Variants in DEPDC4 observed in about 807,000 individuals in gnomAD.
DEPDC4 encodes the protein DEP domain containing 4.
DEPDC4 carries 52 observed loss-of-function variants against 52.0 expected under a neutral mutation model. That is an observed-to-expected ratio of 1.00 (90% confidence interval 0.80 to 1.26). The LOEUF is 1.26. Among genes scored for constraint, DEPDC4 ranks in the 50% most tolerant of loss-of-function variants. The pLI, the probability that DEPDC4 is intolerant of heterozygous loss-of-function variation, is 0.00. For synonymous variants in DEPDC4, 201 were observed against 196.8 expected (o/e 1.02, Z -0.18); for missense variants, 530 against 546.9 (o/e 0.97, Z 0.31).
intron 2 of DEPDC4, 83 bp downstream of exon 2, chr12:100,263,414 G>C (rs2096260778): frequency 8.7e-7 from 1 of 1,147,296 alleles, no homozygotes; most frequent in Non-Finnish European, 1.2e-6. Context: ...TCTGAAAAAA[G>C]TACACATTCG....
Position 100,240,338 on chromosome 12 carries a change from T to G in DEPDC4, c.*1554A>C, listed in dbSNP as rs1024136708. Among the ~76,000 whole-genome samples, 57 of 152,190 alleles carry G rather than the reference T, an allele frequency of 3.7e-4. No individual in the cohort carries two copies. The highest frequency in any genetic ancestry group is 1.2e-3 in the African/African-American group (50 of 41,532). ...CCTGGCTAAATTTTTTTTTTGTAGT[T>G]TTTGTAGAGATAGGGGCAGGGTCTC... On this transcript the variant is annotated 3_prime_UTR_variant, in exon 10 of 10. Transcript: ENST00000550587.
chr12:100,256,198 A>C lies in DEPDC4; in HGVS notation c.729T>G (p.Cys243Trp). Residue 243 changes from cysteine (C) to tryptophan (W), a missense_variant, in exon 4 of 10, where the codon TGT (cysteine) becomes TGG (tryptophan). Coordinates refer to ENST00000550587, the MANE Select transcript of DEPDC4 (RefSeq NM_001364818.2). ...EDVWKEQTLL[C>W]LLQLIHLPFL... Reference sequence around the variant, plus strand: ...ATGGAAGGTGAATCAATTGAAGAAGACATAATAATGTTTGTTCTTTCCAAA... The same window carrying C: ...ATGGAAGGTGAATCAATTGAAGAAGCCATAATAATGTTTGTTCTTTCCAAA... 1 of 1,612,684 alleles carries C rather than the reference A, an allele frequency of 6.2e-7. No individual in the cohort carries two copies. Among genetic ancestry groups the C allele is most frequent in the Non-Finnish European group, 8.5e-7 (1 of 1,179,192 alleles).
At chr12:100,249,324 G>A (rs1172568594) in intron 7 of DEPDC4, among the ~76,000 whole-genome samples, 1 of 152,000 alleles carries the variant, frequency 6.6e-6, no homozygotes. Context: ...GTAAATAGTA[G>A]CTCTAAAATA....
chr12:100,235,575 C>CT (rs559958759), downstream of DEPDC4, among the ~76,000 whole-genome samples: 91 of 145,086 alleles, frequency 6.3e-4, no homozygotes, highest in African/African-American at 1.4e-3. Context: ...CTGTATCATT[C>CT]TTTTTTTTTT....
the DEPDC4 span, among the ~76,000 whole-genome samples, chr12:100,275,529 G>A: frequency 9.2e-5 from 14 of 152,124 alleles, no homozygotes; most frequent in Admixed American, 1.3e-4. Context: ...TGTTGTTCTT[G>A]TATTCTACTA....
At chr12:100,266,782 C>G in intron 1 of DEPDC4, 138 bp downstream of exon 1, 2 of 1,202,372 alleles carry the variant, frequency 1.7e-6, no homozygotes, top group Non-Finnish European at 2.3e-6. Context: ...CAGTCCAGTG[C>G]CTGGTAGGGC....
chr12:100,269,043 C>T (rs2096284144), upstream of DEPDC4, among the ~76,000 whole-genome samples: 1 of 152,184 alleles, frequency 6.6e-6, no homozygotes, highest in Non-Finnish European at 1.5e-5. Flanking sequence ...ACTGTGGTCT[C>T]CTGTAGTTTT....
chr12:100,254,500 AT>A (rs758983369), intron 4 of DEPDC4, among the ~76,000 whole-genome samples: 14 of 150,980 alleles, frequency 9.3e-5, no homozygotes, highest in South Asian at 2.1e-4. Context: ...TAATTTTTGT[AT>A]TTTGCATAGA....
At chr12:100,277,161 T>C in the DEPDC4 span, among the ~76,000 whole-genome samples, 1 of 152,194 alleles carries the variant, frequency 6.6e-6, no homozygotes, top group South Asian at 2.1e-4. Context: ...TAGCCCAACA[T>C]ATAGTTCATT....
chr12:100,267,106 A>G (rs1316793373), upstream of DEPDC4: 5 of 1,608,234 alleles, frequency 3.1e-6, no homozygotes, highest in Admixed American at 3.4e-5. Context: ...CCCGGGGCGG[A>G]GAGAAGTACT....
In DEPDC4 at chr12:100,241,263, T is replaced by G. The variant is rs1459866769; in HGVS notation, c.*629A>C. On this transcript the variant is annotated 3_prime_UTR_variant, in exon 10 of 10. Coordinates refer to ENST00000550587, the MANE Select transcript of DEPDC4 (RefSeq NM_001364818.2). Reference sequence around the variant, plus strand: ...ATTAACTGTACTAGATCCCTAATAATAGCAGCACATTTATTAAGTGATTTT... The same window carrying G: ...ATTAACTGTACTAGATCCCTAATAAGAGCAGCACATTTATTAAGTGATTTT... Among the ~76,000 whole-genome samples the G allele has an allele frequency of 2.0e-5, 3 of 152,182 alleles. No homozygotes were observed. Among genetic ancestry groups the G allele is most frequent in the Non-Finnish European group, 4.4e-5 (3 of 68,030 alleles).
At position 100,260,785 on chromosome 12, in the gene DEPDC4, A is replaced by G. The variant is rs374008428; in HGVS notation, c.700+1479T>C. ...GTGGCACACGCCTATAGTTCCAACT[A>G]CTCTGGAGGCTGAGGCACAAGACTT... is the stretch of plus-strand genomic sequence containing the variant. On this transcript the variant is annotated intron_variant, in intron 3 of 9. Transcript: ENST00000550587. 1.9e-4 allele frequency among the ~76,000 whole-genome samples: 29 copies of G among 152,138 alleles called. No homozygotes were observed. In the East Asian group the frequency reaches 2.3e-3, roughly 12 times the overall value.
chr12:100,269,969 T>C (rs1338478866), upstream of DEPDC4, among the ~76,000 whole-genome samples: 1 of 152,102 alleles, frequency 6.6e-6, no homozygotes, highest in Non-Finnish European at 1.5e-5. Context: ...TTTCATACAT[T>C]GTATTTGAGA....
chr12:100,276,424 C>T, the DEPDC4 span, among the ~76,000 whole-genome samples: 1 of 152,174 alleles, frequency 6.6e-6, no homozygotes, highest in African/African-American at 2.4e-5. Context: ...CCTTGATCTC[C>T]CAGGCTTAAG....
intron 9 of DEPDC4, among the ~76,000 whole-genome samples, chr12:100,232,212 T>G (rs1566303296): frequency 6.7e-6 from 1 of 149,170 alleles, no homozygotes. Flanking sequence ...GCCAACATGG[T>G]GAAACCCTGT....
chr12:100,241,866 C>G (rs201514156), intron 9 of DEPDC4, 21 bp from the exon 10 acceptor site: 34,039 of 906,650 alleles, frequency 0.038, 1,206 homozygotes, highest in African/African-American at 0.19. Context: ...AAAAAAAAAA[C>G]AAAAGAAAAA....
Position 100,266,919 on chromosome 12 carries a change from C to T in DEPDC4, c.157+1G>A. 6.2e-7 allele frequency: 1 copy of T among 1,613,144 alleles called. No individual in the cohort carries two copies. Among genetic ancestry groups the T allele is most frequent in the Non-Finnish European group, 8.5e-7 (1 of 1,179,480 alleles). ...CATTTGGCTAGGATATACAGGGCTA[C>T]CTGTCCTCCTTTTCCGGCAGAAGCC... is the stretch of plus-strand genomic sequence containing the variant. On this transcript the variant is annotated splice_donor_variant, in intron 1 of 9. Coordinates refer to ENST00000550587, the MANE Select transcript of DEPDC4 (RefSeq NM_001364818.2). LOFTEE classifies it high-confidence loss of function.
chr12:100,281,829 G>A, the DEPDC4 span, among the ~76,000 whole-genome samples: 6 of 136,592 alleles, frequency 4.4e-5, no homozygotes, highest in East Asian at 4.3e-4. Context: ...GCTAGACTCC[G>A]TCTCAAAAAA....
At chr12:100,243,082 A>T (rs1200402518) in intron 8 of DEPDC4, among the ~76,000 whole-genome samples, 1 of 152,202 alleles carries the variant, frequency 6.6e-6, no homozygotes, top group East Asian at 1.9e-4. Context: ...ATCATAAGAG[A>T]TTAACAGCAA....
Sources: gnomAD v4.1 joint callset for allele counts (sites outside exome capture counted in the v4.1 genomes callset) on GRCh38, gnomAD v4.1.1 for gene constraint, MANE v1.5 for transcripts, NCBI Gene and HGNC (gene_info 2026-07-23, HGNC 2026-07-21) for gene names.